Variants in GALNT13 observed in about 807,000 individuals in gnomAD.
The protein encoded by GALNT13 is UDP-GalNAc:polypeptide N-acetylgalactosaminyltransferase 13.
A neutral mutation model predicts 64.2 loss-of-function variants in GALNT13; 28 were observed. The observed-to-expected ratio is 0.44, with a 90% CI of 0.32 to 0.60. The LOEUF (loss-of-function observed/expected upper bound fraction) is 0.60, where lower values mean the gene tolerates loss of function less well. Among genes scored for constraint, GALNT13 ranks in the 20% least tolerant of loss-of-function variants. The pLI, the probability that GALNT13 is intolerant of heterozygous loss-of-function variation, is 0.05. For synonymous variants in GALNT13, 214 were observed against 224.6 expected, an observed-to-expected ratio of 0.95 and a Z score of 0.42; for missense variants, 577 against 669.8, an observed-to-expected ratio of 0.86 and a Z score of 1.53.
chr2:153,611,018 A>G, the GALNT13 span, among the ~76,000 whole-genome samples: 1 of 152,172 alleles, frequency 6.6e-6, no homozygotes, highest in Non-Finnish European at 1.5e-5. Flanking sequence ...GGAACACACA[A>G]ATCAGGTAAG....
intron 4 of GALNT13, among the ~76,000 whole-genome samples, chr2:154,178,376 T>C (rs929143842): frequency 6.4e-5 from 8 of 125,010 alleles, no homozygotes; most frequent in African/African-American, 2.5e-4. Context: ...TGAGAACACA[T>C]GGACACGGGA....
At chr2:153,147,282 T>C in the GALNT13 span, among the ~76,000 whole-genome samples, 1 of 151,848 alleles carries the variant, frequency 6.6e-6, no homozygotes, top group East Asian at 1.9e-4. Flanking sequence ...AGAATGTGGC[T>C]AGAATTGTCT....
chr2:154,449,032 T>C (rs1395999956), intron 12 of GALNT13, among the ~76,000 whole-genome samples: 1 of 152,014 alleles, frequency 6.6e-6, no homozygotes, highest in African/African-American at 2.4e-5. Flanking sequence ...GTTATGCATC[T>C]TTATTTTTTC....
chr2:153,312,342 C>G, the GALNT13 span, among the ~76,000 whole-genome samples: 4 of 152,074 alleles, frequency 2.6e-5, no homozygotes, highest in Admixed American at 2.0e-4. Flanking sequence ...GAAAACTTGC[C>G]AAAAACTTAT....
chr2:153,582,813 A>G, the GALNT13 span, among the ~76,000 whole-genome samples: 3 of 152,176 alleles, frequency 2.0e-5, no homozygotes, highest in African/African-American at 7.2e-5. Context: ...ATTTCAGTCT[A>G]TGGGATGCCT....
chr2:153,366,720 G>GAC, the GALNT13 span, among the ~76,000 whole-genome samples: 10,793 of 108,784 alleles, frequency 0.099, 541 homozygotes, highest in East Asian at 0.16. Context: ...AGCACACAGG[G>GAC]ACACACACAC....
intron 6 of GALNT13, 30 bp from the exon 7 acceptor site, chr2:154,245,782 G>T (rs775961424): frequency 1.9e-5 from 27 of 1,423,388 alleles, no homozygotes; most frequent in Middle Eastern, 1.9e-4. Flanking sequence ...ATTATCATGT[G>T]TCTATAAATT....
At chr2:153,433,219 A>G in the GALNT13 span, among the ~76,000 whole-genome samples, 7 of 152,220 alleles carry the variant, frequency 4.6e-5, no homozygotes, top group African/African-American at 1.7e-4. Flanking sequence ...AACTTGAAAC[A>G]GGATTCAATC....
At chr2:153,474,375 G>C in the GALNT13 span, among the ~76,000 whole-genome samples, 24 of 152,276 alleles carry the variant, frequency 1.6e-4, no homozygotes, top group African/African-American at 5.8e-4. Flanking sequence ...TTCAGAGTTA[G>C]TATAGGAAGA....
At chr2:154,001,617 T>C (rs2105221806) in intron 3 of GALNT13, among the ~76,000 whole-genome samples, 1 of 152,142 alleles carries the variant, frequency 6.6e-6, no homozygotes, top group South Asian at 2.1e-4. Context: ...TAATTTTATA[T>C]TATATATCTC....
chr2:154,207,210 A>T (rs985880701), intron 4 of GALNT13, among the ~76,000 whole-genome samples: 1 of 152,124 alleles, frequency 6.6e-6, no homozygotes, highest in Admixed American at 6.5e-5. Flanking sequence ...GCTACCTCCA[A>T]TGTCGTGTCT....
the GALNT13 span, among the ~76,000 whole-genome samples, chr2:153,480,226 T>G: frequency 6.6e-6 from 1 of 152,216 alleles, no homozygotes; most frequent in Non-Finnish European, 1.5e-5. Flanking sequence ...TTCATTCTGT[T>G]TGCTTGGTAA....
the GALNT13 span, among the ~76,000 whole-genome samples, chr2:153,621,361 A>G: frequency 6.6e-6 from 1 of 152,110 alleles, no homozygotes; most frequent in Non-Finnish European, 1.5e-5. Flanking sequence ...AAAAGATTAT[A>G]CAAGCACCAT....
the GALNT13 span, among the ~76,000 whole-genome samples, chr2:153,393,947 TACACACACACAC>T: frequency 1.6e-5 from 2 of 128,174 alleles, no homozygotes; most frequent in East Asian, 2.2e-4. Flanking sequence ...TCTCTCTGTC[TACACACACACAC>T]ACACACACAC....
intron 9 of GALNT13, among the ~76,000 whole-genome samples, chr2:154,302,134 A>G (rs1693478339): frequency 6.6e-6 from 1 of 152,016 alleles, no homozygotes; most frequent in South Asian, 2.1e-4. Context: ...CTATATTTTT[A>G]TATATTTTCT....
the GALNT13 span, among the ~76,000 whole-genome samples, chr2:153,090,906 G>A: frequency 1.3e-5 from 2 of 152,064 alleles, no homozygotes; most frequent in Non-Finnish European, 1.5e-5. Context: ...GGGGATAGCT[G>A]GTAGCAAGAG....
At chr2:153,802,224 AT>A in the GALNT13 span, among the ~76,000 whole-genome samples, 1 of 152,220 alleles carries the variant, frequency 6.6e-6, no homozygotes, top group Non-Finnish European at 1.5e-5. Context: ...GTTAGCACCT[AT>A]AAATGGAATA....
At chr2:153,395,160 A>T in the GALNT13 span, among the ~76,000 whole-genome samples, 1 of 152,156 alleles carries the variant, frequency 6.6e-6, no homozygotes, top group Non-Finnish European at 1.5e-5. Context: ...ATTGAAGGTA[A>T]TCACAAAGTG....
At chr2:153,443,430 C>T in the GALNT13 span, among the ~76,000 whole-genome samples, 1 of 152,214 alleles carries the variant, frequency 6.6e-6, no homozygotes, top group South Asian at 2.1e-4. Context: ...GTTGGAAATG[C>T]AGAAATCACT....
Sources: allele counts gnomAD v4.1 joint callset (sites outside exome capture counted in the v4.1 genomes callset), GRCh38; gene constraint gnomAD v4.1.1; transcripts MANE v1.5; gene names NCBI Gene and HGNC (gene_info 2026-07-23, HGNC 2026-07-21).